SMARCA5: variants seen among roughly 807,000 people sequenced by gnomAD.
The protein encoded by SMARCA5 is SNF2 related chromatin remodeling ATPase 5.
SMARCA5 carries 18 observed loss-of-function variants against 140.4 expected under a neutral mutation model. That is an observed-to-expected ratio of 0.13 (90% CI 0.09 to 0.19). The LOEUF (loss-of-function observed/expected upper bound fraction) is 0.19, where lower values mean the gene tolerates loss of function less well. Among genes scored for constraint, SMARCA5 ranks in the 10% least tolerant of loss-of-function variants. SMARCA5 has a pLI of 1.00. For missense variants in SMARCA5, 606 were observed against 1,276.8 expected (o/e 0.47, Z 8.01); for synonymous variants, 449 against 419.6 (o/e 1.07, Z -0.86).
At chr4:143,525,304 C>T (rs1560813640) in intron 4 of SMARCA5, 147 bp from the exon 5 acceptor site, 1 of 606,324 alleles carries the variant, frequency 1.6e-6, no homozygotes, top group East Asian at 2.8e-5. Flanking sequence ...TGGCAGCTAC[C>T]TCTAGTATTT....
At chr4:143,518,267 C>G (rs1736884775) in intron 2 of SMARCA5, among the ~76,000 whole-genome samples, 1 of 152,138 alleles carries the variant, frequency 6.6e-6, no homozygotes, top group Non-Finnish European at 1.5e-5. Flanking sequence ...AGTACCTACA[C>G]AGAGCTTTAA....
intron 23 of SMARCA5, among the ~76,000 whole-genome samples, chr4:143,551,540 A>C (rs1737640321): frequency 6.6e-6 from 1 of 152,048 alleles, no homozygotes; most frequent in South Asian, 2.1e-4. Flanking sequence ...TGAGGACTTA[A>C]AGTCTTTAAT....
chr4:143,536,605 A>G lies in SMARCA5; in HGVS notation c.1422A>G (p.Thr474=), dbSNP rs1277230304. The G allele has an allele frequency of 9.3e-6, 15 of 1,613,802 alleles. No homozygotes were observed. Among genetic ancestry groups the G allele is most frequent in the Non-Finnish European group, 1.3e-5 (15 of 1,179,844 alleles). The change falls in exon 11 of 24, where the codon ACA becomes ACG. Residue 474 remains threonine, a synonymous_variant. Transcript: ENST00000283131. ...CAGAACCTGGTCCACCTTATACAAC[A>G]GATATGCATCTAGTAACCAACAGTG... is the stretch of plus-strand genomic sequence containing the variant. ...DGAEPGPPYT[T]DMHLVTNSGK...
In SMARCA5 at chr4:143,526,475, T is replaced by C. The variant is rs1414564016; in HGVS notation, c.801+15T>C. 2 of 1,572,622 alleles carry C rather than the reference T, an allele frequency of 1.3e-6. No individual in the cohort carries two copies. Reference sequence around the variant, plus strand: ...AAGAACAAAGAGTAAGTTTCTAGTATTTCATTACATTTTTGAGGCTAAAAT... The same window carrying C: ...AAGAACAAAGAGTAAGTTTCTAGTACTTCATTACATTTTTGAGGCTAAAAT... On this transcript the variant is annotated intron_variant, in intron 6 of 23. Transcript: ENST00000283131.
chr4:143,534,807 C>A (rs1341638992), intron 9 of SMARCA5, 48 bp from the exon 10 acceptor site: 1 of 1,299,390 alleles, frequency 7.7e-7, no homozygotes, highest in Admixed American at 2.2e-5. Context: ...TGAAATATGA[C>A]CTTATGTGTA....
Position 143,553,930 on chromosome 4 carries a change from C to G in SMARCA5, c.*746C>G, listed in dbSNP as rs1004527390. ...ATTTGGTAAATATTTTGTCATATGA[C>G]CTTCTGAAGCAGCCACAACTTAGAT... On this transcript the variant is annotated 3_prime_UTR_variant, in exon 24 of 24. Coordinates refer to ENST00000283131, the MANE Select transcript of SMARCA5 (RefSeq NM_003601.4). 1 of 150,404 alleles carries G rather than the reference C, an allele frequency of 6.6e-6. No individual in the cohort carries two copies. The highest frequency in any genetic ancestry group is 2.4e-5 in the African/African-American group (1 of 41,036). 9.3% of individuals were successfully genotyped at this position (150,404 alleles called of 1,614,324 possible). A position where few individuals can be genotyped will look rare whatever the true frequency, so the allele number is the denominator to read the frequency against.
chr4:143,532,174 G>A (rs1438722886), intron 9 of SMARCA5, among the ~76,000 whole-genome samples: 1 of 152,168 alleles, frequency 6.6e-6, no homozygotes, highest in Non-Finnish European at 1.5e-5. Context: ...TGAGAGTTTT[G>A]TTAAATATTT....
At chr4:143,540,572 T>G in intron 14 of SMARCA5, 77 bp downstream of exon 14, 1 of 1,346,408 alleles carries the variant, frequency 7.4e-7, no homozygotes, top group Non-Finnish European at 1.0e-6. Flanking sequence ...TCTTAGAAGA[T>G]TCTTGTTACT....
At chr4:143,530,809 A>G (rs1367583301) in intron 9 of SMARCA5, among the ~76,000 whole-genome samples, 3 of 152,074 alleles carry the variant, frequency 2.0e-5, no homozygotes, top group Non-Finnish European at 4.4e-5. Context: ...AATAATTAAT[A>G]TAGACAAGTT....
At position 143,546,664 on chromosome 4, in the gene SMARCA5, A is replaced by G. The variant is rs139108818; in HGVS notation, c.2521-112A>G. ...CACGAAAAGTTACCACTCTAAAAGAACTTAATAAACTAGTGAAAATTTGTT... is the reference window on the plus strand; with the variant it reads ...CACGAAAAGTTACCACTCTAAAAGAGCTTAATAAACTAGTGAAAATTTGTT... On this transcript the variant is annotated intron_variant, in intron 19 of 23. Coordinates refer to ENST00000283131, the MANE Select transcript of SMARCA5 (RefSeq NM_003601.4). 1,634 of 957,144 alleles carry G rather than the reference A, an allele frequency of 1.7e-3. 7 individuals are homozygous for G. The highest frequency in any genetic ancestry group is 9.8e-3 in the Middle Eastern group (29 of 2,954). 59.3% of individuals were successfully genotyped at this position (957,144 alleles called of 1,614,324 possible).
Position 143,513,951 on chromosome 4 carries a change from AC to A in SMARCA5, c.32del (p.Pro11ArgfsTer86). Reference protein sequence around the residue: MSSAAEPPPPPPPESAPSKP... With the variant: MSSAAEPPPXPPPESAPSKP... ...TGTCGTCCGCGGCCGAGCCTCCGCC[AC>A]CCCCGCCTCCCGAGAGCGCGCCTTC... is the stretch of plus-strand genomic sequence containing the variant. On this transcript the variant is annotated frameshift_variant, in exon 1 of 24. Transcript: ENST00000283131. LOFTEE classifies it high-confidence loss of function. 1 of 1,547,658 alleles carries A rather than the reference AC, an allele frequency of 6.5e-7. No homozygotes were observed. The highest frequency in any genetic ancestry group is 8.7e-7 in the Non-Finnish European group (1 of 1,154,012).
At chr4:143,533,858 A>T (rs1737249507) in intron 9 of SMARCA5, among the ~76,000 whole-genome samples, 1 of 152,236 alleles carries the variant, frequency 6.6e-6, no homozygotes, top group African/African-American at 2.4e-5. Context: ...AAAACATTTT[A>T]AAAATTTACT....
At chr4:143,526,776 A>G (rs1408899465) in intron 6 of SMARCA5, among the ~76,000 whole-genome samples, 1 of 152,064 alleles carries the variant, frequency 6.6e-6, no homozygotes, top group Non-Finnish European at 1.5e-5. Flanking sequence ...AGGCAGGAGA[A>G]TCGCTGGAAT....
chr4:143,521,689 T>C, intron 3 of SMARCA5, 94 bp downstream of exon 3: 2 of 1,092,910 alleles, frequency 1.8e-6, no homozygotes, highest in Non-Finnish European at 2.6e-6. Flanking sequence ...AACTTAAAAT[T>C]ATTTTAGTGC....
At position 143,555,557 on chromosome 4, in the gene SMARCA5, C is replaced by T. The variant is rs1244495578; in HGVS notation, c.*2373C>T. The T allele has an allele frequency of 6.0e-6, 2 of 333,240 alleles. No homozygotes were observed. The highest frequency in any genetic ancestry group is 1.4e-4 in the East Asian group (2 of 14,540). 20.6% of individuals were successfully genotyped at this position (333,240 alleles called of 1,614,324 possible). A position where few individuals can be genotyped will look rare whatever the true frequency, so the allele number is the denominator to read the frequency against. Reference sequence around the variant, plus strand: ...ATGTTTTAATAATCTGATCATGATACTGAATAAATGTCTTTTTTTTTTTTT... The same window carrying T: ...ATGTTTTAATAATCTGATCATGATATTGAATAAATGTCTTTTTTTTTTTTT... On this transcript the variant is annotated 3_prime_UTR_variant, in exon 24 of 24. Transcript: ENST00000283131.
chr4:143,517,285 G>A, intron 1 of SMARCA5, 70 bp from the exon 2 acceptor site: 1 of 1,093,286 alleles, frequency 9.1e-7, no homozygotes, highest in South Asian at 1.5e-5. Context: ...GTTTTGGTCA[G>A]AAATTGGTCT....
rs192521233 is a variant in SMARCA5, at chr4:143,521,196, T to C, written c.253-233T>C. ...TCCCACCTCCTTGCCACTTCTGATC[T>C]GCTTTCTATCACTAGTTAGCATTTC... On this transcript the variant is annotated intron_variant, in intron 2 of 23. Transcript: ENST00000283131. Among the ~76,000 whole-genome samples, 629 of 152,344 alleles carry C rather than the reference T, an allele frequency of 4.1e-3. 11 individuals carry two copies. The highest frequency in any genetic ancestry group is 0.015 in the African/African-American group (612 of 41,580).
At chr4:143,551,431 A>G (rs1319762027) in intron 23 of SMARCA5, among the ~76,000 whole-genome samples, 2 of 151,960 alleles carry the variant, frequency 1.3e-5, no homozygotes, top group Admixed American at 6.6e-5. Context: ...CCATTTGTCC[A>G]TTTTTGCTTT....
intron 22 of SMARCA5, among the ~76,000 whole-genome samples, chr4:143,549,026 A>G (rs1737584933): frequency 6.6e-6 from 1 of 152,110 alleles, no homozygotes. Context: ...ATAAATATAT[A>G]ATTAGAGAAA....
Sources: gnomAD v4.1 joint callset for allele counts (sites outside exome capture counted in the v4.1 genomes callset) on GRCh38, gnomAD v4.1.1 for gene constraint, MANE v1.5 for transcripts, NCBI Gene and HGNC (gene_info 2026-07-23, HGNC 2026-07-21) for gene names.